Variants in ZC3H12B observed in about 807,000 individuals in gnomAD.
ZC3H12B encodes the protein zinc finger CCCH-type containing 12B, also known as probable ribonuclease ZC3H12B.
Under a neutral mutation model 43.9 loss-of-function variants are expected in ZC3H12B, and 7 were observed. The observed-to-expected ratio is 0.16, with a 90% CI of 0.09 to 0.30. ZC3H12B has a LOEUF of 0.30. Among genes scored for constraint, ZC3H12B ranks in the 10% least tolerant of loss-of-function variants. The pLI is 1.00. For synonymous variants in ZC3H12B, 222 were observed against 241.7 expected (o/e 0.92, Z 0.76); for missense variants, 475 against 670.2 (o/e 0.71, Z 3.22).
chrX:65,148,475 G>T, the ZC3H12B span, among the ~76,000 whole-genome samples: 1 of 111,528 alleles, frequency 9.0e-6, no homozygotes, highest in Non-Finnish European at 1.9e-5. Flanking sequence ...TTGGAGGCAA[G>T]CCTAGTGTTG....
At chrX:65,256,531 G>T in the ZC3H12B span, among the ~76,000 whole-genome samples, 2 of 111,854 alleles carry the variant, frequency 1.8e-5, no homozygotes, top group Admixed American at 1.9e-4. Context: ...CTGGGACACA[G>T]CTAAAGGGGT....
intron 1 of ZC3H12B, among the ~76,000 whole-genome samples, chrX:65,492,120 AT>A (rs60180121): frequency 0.08 from 8,678 of 107,900 alleles, 1,177 homozygotes; most frequent in African/African-American, 0.29. Flanking sequence ...AAGGCCTACC[AT>A]TTTTTTTGTT....
At chrX:65,504,367 A>G (rs1239570477) in exon 5 of ZC3H12B, 1 of 112,475 alleles carries the variant, frequency 8.9e-6, no homozygotes, top group Non-Finnish European at 1.9e-5. Flanking sequence ...TTATATGGCA[A>G]TATTTGAACA....
chrX:65,377,331 G>A (rs1455639015), intron 2 of ZC3H12B, among the ~76,000 whole-genome samples: 2 of 110,290 alleles, frequency 1.8e-5, no homozygotes, highest in Non-Finnish European at 3.8e-5. Context: ...TAGAGAAAGA[G>A]ATATGATTAG....
chrX:65,356,731 C>T, the ZC3H12B span, among the ~76,000 whole-genome samples: 1 of 111,854 alleles, frequency 8.9e-6, no homozygotes, highest in Non-Finnish European at 1.9e-5. Flanking sequence ...TGCTTCTCAG[C>T]ATGCAGCTCA....
chrX:65,371,325 A>C (rs745388325), intron 2 of ZC3H12B, among the ~76,000 whole-genome samples: 4 of 111,724 alleles, frequency 3.6e-5, no homozygotes, highest in African/African-American at 1.3e-4. Flanking sequence ...TTATCTTTAC[A>C]TACTAAATTA....
chrX:65,087,060 G>A, the ZC3H12B span, among the ~76,000 whole-genome samples: 5 of 110,468 alleles, frequency 4.5e-5, no homozygotes, highest in African/African-American at 1.6e-4. Context: ...CCCAGGCTCT[G>A]AGTCTTCTCT....
At chrX:65,280,426 A>G in the ZC3H12B span, among the ~76,000 whole-genome samples, 2 of 112,211 alleles carry the variant, frequency 1.8e-5, no homozygotes, top group Non-Finnish European at 3.8e-5. Flanking sequence ...CGACAAACCC[A>G]CAGCTGACAT....
the ZC3H12B span, among the ~76,000 whole-genome samples, chrX:65,117,331 T>A: frequency 8.9e-6 from 1 of 112,571 alleles, no homozygotes; most frequent in Non-Finnish European, 1.9e-5. Flanking sequence ...CATTTTTTCA[T>A]GTCTCTGTTG....
At chrX:65,404,057 A>G (rs530571610) in intron 3 of ZC3H12B, among the ~76,000 whole-genome samples, 3 of 112,333 alleles carry the variant, frequency 2.7e-5, no homozygotes, top group African/African-American at 9.7e-5. Flanking sequence ...GTACAATAAG[A>G]TCTAAATAGA....
the ZC3H12B span, among the ~76,000 whole-genome samples, chrX:65,152,008 A>C: frequency 8.9e-6 from 1 of 112,016 alleles, no homozygotes; most frequent in African/African-American, 3.2e-5. Context: ...AGATACAGAA[A>C]AGGCCTTTGA....
At chrX:65,138,756 C>A in the ZC3H12B span, among the ~76,000 whole-genome samples, 1 of 111,350 alleles carries the variant, frequency 9.0e-6, no homozygotes, top group Non-Finnish European at 1.9e-5. Flanking sequence ...CACTTGATAT[C>A]TGTAATCTTT....
the ZC3H12B span, among the ~76,000 whole-genome samples, chrX:65,287,144 T>C: frequency 1.8e-5 from 2 of 110,654 alleles, no homozygotes; most frequent in Non-Finnish European, 3.8e-5. Context: ...AGAACATCAA[T>C]AAGAAAAAAA....
the ZC3H12B span, among the ~76,000 whole-genome samples, chrX:65,168,214 A>G: frequency 1.8e-5 from 2 of 112,062 alleles, no homozygotes; most frequent in Non-Finnish European, 3.8e-5. Flanking sequence ...CGTCCCATCC[A>G]TATCAAATTT....
Position 65,447,234 on chromosome X carries a change from A to C in ZC3H12B, n.408-41412A>C, listed in dbSNP as rs144934334. ...TCTTTTTCTTTTCTTTTTCCTTTTT[A>C]TCTGACTAGATAATGTCAAATGACC... On this transcript the variant is annotated intron_variant and non_coding_transcript_variant, in intron 3 of 5. Coordinates refer to the ZC3H12B transcript ENST00000617377. Among the ~76,000 whole-genome samples the C allele has an allele frequency of 3.4e-3, 376 of 111,157 alleles. 5 individuals are homozygous for C. The East Asian group carries it at 0.045, about 13-fold the overall frequency.
At chrX:65,158,164 G>C in the ZC3H12B span, among the ~76,000 whole-genome samples, 5 of 108,925 alleles carry the variant, frequency 4.6e-5, no homozygotes, top group Non-Finnish European at 9.5e-5. Flanking sequence ...TCTTAATCCA[G>C]TCTATCATTG....
chrX:65,444,363 T>C (rs2067347019), intron 3 of ZC3H12B, among the ~76,000 whole-genome samples: 1 of 112,029 alleles, frequency 8.9e-6, no homozygotes, highest in Non-Finnish European at 1.9e-5. Context: ...GGTTATCGAA[T>C]AATGGGGGCA....
the ZC3H12B span, among the ~76,000 whole-genome samples, chrX:65,155,361 C>T: frequency 2.7e-5 from 3 of 110,849 alleles, no homozygotes; most frequent in African/African-American, 9.9e-5. Context: ...GTGCTTTGAT[C>T]TGCTAATGTG....
the ZC3H12B span, among the ~76,000 whole-genome samples, chrX:65,229,941 A>T: frequency 1.4e-4 from 16 of 111,746 alleles, no homozygotes; most frequent in East Asian, 5.7e-4. Flanking sequence ...TTGGTGGGAC[A>T]GTAAACTAGT....
Sources: allele counts gnomAD v4.1 joint callset (sites outside exome capture counted in the v4.1 genomes callset), GRCh38; gene constraint gnomAD v4.1.1; transcripts MANE v1.5; gene names NCBI Gene and HGNC (gene_info 2026-07-23, HGNC 2026-07-21).